The following PPP2R2C variants were observed in gnomAD, a reference collection of about 807,000 sequenced individuals.
The protein encoded by PPP2R2C is protein phosphatase 2, regulatory subunit B, gamma.
PPP2R2C carries 10 observed loss-of-function variants against 45.3 expected under a neutral mutation model. That is an observed-to-expected ratio of 0.22 (90% CI 0.14 to 0.37). The LOEUF (loss-of-function observed/expected upper bound fraction) is 0.37, where lower values mean the gene tolerates loss of function less well. Among genes scored for constraint, PPP2R2C ranks in the 10% least tolerant of loss-of-function variants. PPP2R2C has a pLI of 1.00. For missense variants in PPP2R2C, 308 were observed against 619.7 expected (o/e 0.50, Z 5.34); for synonymous variants, 257 against 245.4 (o/e 1.05, Z -0.44).
chr4:6,336,069 AAGGAGGGAGGGAGC>A (rs1335022727), intron 6 of PPP2R2C, among the ~76,000 whole-genome samples: 1 of 152,172 alleles, frequency 6.6e-6, no homozygotes, highest in Non-Finnish European at 1.5e-5. Context: ...CAAGATCAGG[AAGGAGGGAGGGAGC>A]CTAGTTTATC....
chr4:6,475,991 G>A (rs145001642), upstream of PPP2R2C, among the ~76,000 whole-genome samples: 1,506 of 152,252 alleles, frequency 9.9e-3, 21 homozygotes, highest in Non-Finnish European at 0.015. Context: ...AGGTGCTCAC[G>A]GGAGCACACG....
At chr4:6,411,192 GAATA>G (rs1718170315) in intron 1 of PPP2R2C, among the ~76,000 whole-genome samples, 1 of 152,106 alleles carries the variant, frequency 6.6e-6, no homozygotes, top group African/African-American at 2.4e-5. Context: ...TTTTAATGAT[GAATA>G]AATGGAGGGC....
At position 6,411,113 on chromosome 4, in the gene PPP2R2C, T is replaced by C. The variant is rs528730513; in HGVS notation, c.71-30019A>G. 1.5e-3 allele frequency among the ~76,000 whole-genome samples: 233 copies of C among 152,130 alleles called. 1 individual carries two copies. The highest frequency in any genetic ancestry group is 5.5e-3 in the African/African-American group (228 of 41,512). ...CTTGAACTCCTGAGCTCAAGTGATC[T>C]ACCCACCTCAGCCTCCCAAAGGGCT... is the stretch of plus-strand genomic sequence containing the variant. On this transcript the variant is annotated intron_variant, in intron 1 of 8. Transcript: ENST00000382599.
At chr4:6,369,581 G>C (rs998023073) in intron 5 of PPP2R2C, among the ~76,000 whole-genome samples, 2 of 152,136 alleles carry the variant, frequency 1.3e-5, no homozygotes, top group Non-Finnish European at 2.9e-5. Context: ...ACTGGCATTC[G>C]GGGCCCCTAC....
intron 5 of PPP2R2C, among the ~76,000 whole-genome samples, chr4:6,356,084 G>T (rs1408816425): frequency 6.7e-6 from 1 of 149,874 alleles, no homozygotes; most frequent in Non-Finnish European, 1.5e-5. Flanking sequence ...GGAAGAACTT[G>T]TTCCTACACT....
chr4:6,491,754 C>T (rs933269790), intron 2 of PPP2R2C, among the ~76,000 whole-genome samples: 6 of 152,162 alleles, frequency 3.9e-5, no homozygotes, highest in Non-Finnish European at 7.3e-5. Context: ...TACGGCACTT[C>T]CCCCTTCTCT....
At chr4:6,558,214 G>A (rs1294821525) in intron 1 of PPP2R2C, among the ~76,000 whole-genome samples, 2 of 152,218 alleles carry the variant, frequency 1.3e-5, no homozygotes, top group Non-Finnish European at 2.9e-5. Flanking sequence ...TGCCAAGCAT[G>A]CAGCAAGTTC....
rs143914108 is a variant in PPP2R2C, at chr4:6,428,576, C to G, written c.70+43584G>C. ...CAGGGCCTCCTCCATTTTTCTGGTT[C>G]GGAAATCACATCGTATCAAGGCAGC... is the stretch of plus-strand genomic sequence containing the variant. On this transcript the variant is annotated intron_variant, in intron 1 of 8. Transcript: ENST00000382599. 9.2e-5 allele frequency among the ~76,000 whole-genome samples: 14 copies of G among 152,322 alleles called. No individual in the cohort carries two copies. In the East Asian group the frequency reaches 2.5e-3, roughly 27 times the overall value.
chr4:6,355,454 C>T (rs1713074358), intron 5 of PPP2R2C, among the ~76,000 whole-genome samples: 1 of 150,216 alleles, frequency 6.7e-6, no homozygotes, highest in Non-Finnish European at 1.5e-5. Context: ...ACCAGCATGG[C>T]ACATGTATAC....
chr4:6,348,639 C>G lies in PPP2R2C; in HGVS notation c.626-629G>C, dbSNP rs970953521. 5.3e-5 allele frequency: 52 copies of G among 985,246 alleles called. 1 individual carries two copies. In the Middle Eastern group the frequency reaches 1.6e-3, roughly 30 times the overall value. 61.0% of individuals were successfully genotyped at this position (985,246 alleles called of 1,614,324 possible). A position where few individuals can be genotyped will look rare whatever the true frequency, so the allele number is the denominator to read the frequency against. On this transcript the variant is annotated intron_variant, in intron 5 of 8. Transcript: ENST00000382599. Reference sequence around the variant, plus strand: ...GATCTGTGCTCTCCAGACCCCAGGACTTGGAATACTGAAAAGGCTGGGATG... The same window carrying G: ...GATCTGTGCTCTCCAGACCCCAGGAGTTGGAATACTGAAAAGGCTGGGATG...
At chr4:6,555,315 G>A (rs1185443441) in intron 1 of PPP2R2C, among the ~76,000 whole-genome samples, 2 of 152,216 alleles carry the variant, frequency 1.3e-5, no homozygotes, top group Non-Finnish European at 2.9e-5. Flanking sequence ...CAGTGGCCAC[G>A]TCTGGGGCTG....
At chr4:6,490,841 C>T (rs1722681017) in intron 2 of PPP2R2C, among the ~76,000 whole-genome samples, 1 of 152,240 alleles carries the variant, frequency 6.6e-6, no homozygotes, top group South Asian at 2.1e-4. Flanking sequence ...GATTTCACTC[C>T]ACTTCCACAC....
chr4:6,540,875 T>C (rs1577248394), intron 1 of PPP2R2C, among the ~76,000 whole-genome samples: 1 of 152,086 alleles, frequency 6.6e-6, no homozygotes, highest in East Asian at 1.9e-4. Context: ...AAATGTAGGG[T>C]TTTTCTCTTT....
intron 1 of PPP2R2C, among the ~76,000 whole-genome samples, chr4:6,392,769 C>A (rs1391798725): frequency 6.6e-6 from 1 of 152,188 alleles, no homozygotes; most frequent in East Asian, 1.9e-4. Flanking sequence ...TCAATGACCA[C>A]CCCATCCTTC....
intron 1 of PPP2R2C, among the ~76,000 whole-genome samples, chr4:6,446,967 C>T (rs1268185749): frequency 1.3e-5 from 2 of 151,898 alleles, no homozygotes; most frequent in Non-Finnish European, 2.9e-5. Flanking sequence ...TGGGCTGATT[C>T]AGACCACGGT....
At chr4:6,430,864 G>C (rs1437135860) in intron 1 of PPP2R2C, among the ~76,000 whole-genome samples, 4 of 152,018 alleles carry the variant, frequency 2.6e-5, no homozygotes, top group African/African-American at 9.7e-5. Context: ...GGCGGAGGTT[G>C]CAGTGAGCCA....
chr4:6,461,949 A>G (rs1365068997), intron 1 of PPP2R2C, among the ~76,000 whole-genome samples: 4 of 152,214 alleles, frequency 2.6e-5, no homozygotes. Context: ...GGCATGCACC[A>G]TCTCATTCAA....
intron 2 of PPP2R2C, among the ~76,000 whole-genome samples, chr4:6,487,303 T>C (rs754448749): frequency 9.9e-5 from 15 of 152,034 alleles, no homozygotes; most frequent in Admixed American, 2.6e-4. Context: ...ACTACTCTGC[T>C]CTTTGATCCT....
intron 1 of PPP2R2C, among the ~76,000 whole-genome samples, chr4:6,411,714 G>T (rs1718216826): frequency 6.6e-6 from 1 of 152,044 alleles, no homozygotes; most frequent in Non-Finnish European, 1.5e-5. Flanking sequence ...CACCACACCT[G>T]GCTAATTTTT....
Sources: allele counts gnomAD v4.1 joint callset (sites outside exome capture counted in the v4.1 genomes callset), GRCh38; gene constraint gnomAD v4.1.1; transcripts MANE v1.5; gene names NCBI Gene and HGNC (gene_info 2026-07-23, HGNC 2026-07-21).